GALNTL6: variants seen among roughly 807,000 people sequenced by gnomAD.
The protein encoded by GALNTL6 is polypeptide N-acetylgalactosaminyltransferase-like 6.
Under a neutral mutation model 73.7 loss-of-function variants are expected in GALNTL6, and 46 were observed. That is an observed-to-expected ratio of 0.62 (90% CI 0.49 to 0.80). GALNTL6 has a LOEUF of 0.80. Ranked by LOEUF, GALNTL6 falls within the 30% of genes least tolerant of loss-of-function variation. The pLI is 0.00. For missense variants in GALNTL6, 604 were observed against 755.0 expected (o/e 0.80, Z 2.34); for synonymous variants, 259 against 263.7 (o/e 0.98, Z 0.17).
intron 2 of GALNTL6, among the ~76,000 whole-genome samples, chr4:171,964,284 A>G (rs1468622070): frequency 2.6e-5 from 4 of 151,574 alleles, no homozygotes; most frequent in African/African-American, 4.9e-5. Context: ...CAAATCTCAG[A>G]CTCCTAGTGG....
intron 5 of GALNTL6, among the ~76,000 whole-genome samples, chr4:172,602,610 G>GA (rs1408977430): frequency 1.3e-5 from 2 of 151,972 alleles, no homozygotes; most frequent in South Asian, 4.1e-4. Flanking sequence ...AAAGAAGATA[G>GA]AAAAAAAGAA....
At chr4:172,703,399 A>C (rs1734143877) in intron 5 of GALNTL6, among the ~76,000 whole-genome samples, 1 of 151,936 alleles carries the variant, frequency 6.6e-6, no homozygotes, top group Non-Finnish European at 1.5e-5. Context: ...TATTTTTATT[A>C]TGAAGGAAAG....
chr4:172,798,547 A>G (rs1243645338), intron 5 of GALNTL6, among the ~76,000 whole-genome samples: 3 of 152,218 alleles, frequency 2.0e-5, no homozygotes, highest in South Asian at 2.1e-4. Context: ...TATATAGCCT[A>G]TGGAACTATG....
At chr4:172,849,966 G>A (rs1706827480) in intron 7 of GALNTL6, among the ~76,000 whole-genome samples, 1 of 152,160 alleles carries the variant, frequency 6.6e-6, no homozygotes, top group South Asian at 2.1e-4. Flanking sequence ...CTGGAAAGGT[G>A]CGACCTCCTA....
intron 5 of GALNTL6, among the ~76,000 whole-genome samples, chr4:172,792,365 T>C (rs548229779): frequency 6.6e-6 from 1 of 152,296 alleles, no homozygotes; most frequent in Non-Finnish European, 1.5e-5. Context: ...TACATATGTG[T>C]GTTTATTCAA....
chr4:172,640,346 A>G (rs1167940303), intron 5 of GALNTL6, among the ~76,000 whole-genome samples: 5 of 152,068 alleles, frequency 3.3e-5, no homozygotes. Context: ...TACTCATTCA[A>G]GCCTTCATAT....
chr4:172,117,655 A>G (rs552701621), intron 2 of GALNTL6, among the ~76,000 whole-genome samples: 87 of 152,328 alleles, frequency 5.7e-4, no homozygotes, highest in Middle Eastern at 3.4e-3. Context: ...AATAACTCAA[A>G]TGTCCATCAA....
chr4:172,549,941 G>A (rs1358782085), intron 5 of GALNTL6, among the ~76,000 whole-genome samples: 1 of 152,090 alleles, frequency 6.6e-6, no homozygotes, highest in Non-Finnish European at 1.5e-5. Flanking sequence ...ATAAATTGCT[G>A]TTTATCACAA....
rs1369731087 is a variant in GALNTL6, at chr4:172,036,438, T to G, written c.139-193218T>G. Among the ~76,000 whole-genome samples the G allele has an allele frequency of 3.9e-5, 6 of 152,154 alleles. No homozygotes were observed. The East Asian group carries it at 1.2e-3, about 29-fold the overall frequency. The stretch of plus-strand genomic sequence containing the variant: ...CACACAAAGTCATAAGAATTTTTAG[T>G]GTATATTATCTCATTGTATTCTCCC... On this transcript the variant is annotated intron_variant, in intron 2 of 12. Transcript: ENST00000506823.
chr4:172,246,298 T>C (rs931553930), intron 3 of GALNTL6, among the ~76,000 whole-genome samples: 3 of 152,102 alleles, frequency 2.0e-5, no homozygotes, highest in Non-Finnish European at 4.4e-5. Flanking sequence ...TAATAGACAT[T>C]TACCTAGATA....
rs141369667 is a variant in GALNTL6 at position 172,933,155 on chromosome 4, G to A, written c.1149+1887G>A. On this transcript the variant is annotated intron_variant, in intron 9 of 12. Transcript: ENST00000506823. The stretch of plus-strand genomic sequence containing the variant: ...AGAGCACATGTCACCAATCAGCTGG[G>A]TAGATATAATAAATCATAGCAGTTT... 5.1e-3 allele frequency among the ~76,000 whole-genome samples: 772 copies of A among 152,192 alleles called. 5 individuals are homozygous for A. Among genetic ancestry groups the A allele is most frequent in the African/African-American group, 0.017 (722 of 41,536 alleles).
intron 5 of GALNTL6, among the ~76,000 whole-genome samples, chr4:172,673,548 T>C (rs1319703783): frequency 6.6e-6 from 1 of 152,202 alleles, no homozygotes; most frequent in African/African-American, 2.4e-5. Flanking sequence ...GTCTTGATGA[T>C]CTGTCCAATA....
chr4:172,899,731 A>G (rs930561833), intron 8 of GALNTL6, among the ~76,000 whole-genome samples: 1 of 152,214 alleles, frequency 6.6e-6, no homozygotes, highest in Non-Finnish European at 1.5e-5. Flanking sequence ...TGGCTACTCC[A>G]TAGGCAGAGC....
intron 5 of GALNTL6, among the ~76,000 whole-genome samples, chr4:172,397,122 T>G (rs1239992076): frequency 6.6e-6 from 1 of 152,172 alleles, no homozygotes; most frequent in Non-Finnish European, 1.5e-5. Flanking sequence ...ATGTGAGAGA[T>G]AGTCTATATG....
At chr4:172,083,817 A>G (rs966321260) in intron 2 of GALNTL6, among the ~76,000 whole-genome samples, 1 of 152,180 alleles carries the variant, frequency 6.6e-6, no homozygotes, top group Non-Finnish European at 1.5e-5. Flanking sequence ...GACTAATCTT[A>G]TAACTGTTCT....
chr4:172,345,115 C>A (rs1218527378), intron 4 of GALNTL6, among the ~76,000 whole-genome samples: 1 of 149,904 alleles, frequency 6.7e-6, no homozygotes, highest in Non-Finnish European at 1.5e-5. Context: ...TTTTTGCTCC[C>A]ACATTATCCT....
At chr4:172,666,744 C>G (rs147816110) in intron 5 of GALNTL6, 1 of 152,278 alleles carries the variant, frequency 6.6e-6, no homozygotes, top group Non-Finnish European at 1.5e-5. Context: ...AAATAAATAT[C>G]ATTTCCATTT....
chr4:173,028,414 A>G (rs918141401), intron 12 of GALNTL6, among the ~76,000 whole-genome samples: 1 of 151,956 alleles, frequency 6.6e-6, no homozygotes, highest in Non-Finnish European at 1.5e-5. Context: ...TTGTAGCTCT[A>G]ATTTTTACTT....
chr4:171,993,489 C>G (rs1181214915), intron 2 of GALNTL6, among the ~76,000 whole-genome samples: 1 of 151,978 alleles, frequency 6.6e-6, no homozygotes, highest in Non-Finnish European at 1.5e-5. Flanking sequence ...TGAAGTTTAC[C>G]CTATTGTCAA....
Sources: allele counts gnomAD v4.1 joint callset (sites outside exome capture counted in the v4.1 genomes callset), GRCh38; gene constraint gnomAD v4.1.1; transcripts MANE v1.5; gene names NCBI Gene and HGNC (gene_info 2026-07-23, HGNC 2026-07-21).